FOXN3: variants seen among roughly 807,000 people sequenced by gnomAD.
FOXN3 encodes the protein forkhead box protein N3.
A neutral mutation model predicts 38.4 loss-of-function variants in FOXN3; 7 were observed. That is an observed-to-expected ratio of 0.18 (90% CI 0.10 to 0.34). FOXN3 has a LOEUF of 0.34. FOXN3 is among the 10% of genes least tolerant of loss of function. The pLI is 1.00. For synonymous variants in FOXN3, 230 were observed against 242.2 expected, an observed-to-expected ratio of 0.95 and a Z score of 0.47; for missense variants, 456 against 613.4, an observed-to-expected ratio of 0.74 and a Z score of 2.71.
At chr14:89,616,494 A>C in intron 1 of FOXN3, among the ~76,000 whole-genome samples, 2 of 151,654 alleles carry the variant, frequency 1.3e-5, no homozygotes, top group Non-Finnish European at 2.9e-5. Context: ...GTACCAGGCA[A>C]TCTTCATCCC....
intron 3 of FOXN3, among the ~76,000 whole-genome samples, chr14:89,312,033 C>T (rs546345297): frequency 2.6e-5 from 4 of 152,124 alleles, no homozygotes; most frequent in African/African-American, 9.6e-5. Flanking sequence ...ACCTGTAATG[C>T]CAGCACTTGG....
intron 3 of FOXN3, among the ~76,000 whole-genome samples, chr14:89,344,969 C>T (rs1259036843): frequency 1.3e-5 from 2 of 152,176 alleles, no homozygotes; most frequent in East Asian, 1.9e-4. Flanking sequence ...AAACACACCA[C>T]CCCTCCTTCC....
intron 4 of FOXN3, among the ~76,000 whole-genome samples, chr14:89,254,734 A>G (rs1468654807): frequency 6.6e-6 from 1 of 152,066 alleles, no homozygotes; most frequent in African/African-American, 2.4e-5. Context: ...ATCACCTCCA[A>G]GTTCTGCCTC....
chr14:89,399,681 C>T (rs1891196035), intron 2 of FOXN3, among the ~76,000 whole-genome samples: 1 of 152,172 alleles, frequency 6.6e-6, no homozygotes, highest in Admixed American at 6.5e-5. Context: ...TTTATTACAG[C>T]TGTAAGCCCT....
At chr14:89,473,271 G>A (rs887403062) in intron 1 of FOXN3, among the ~76,000 whole-genome samples, 11 of 151,910 alleles carry the variant, frequency 7.2e-5, no homozygotes, top group African/African-American at 9.7e-5. Context: ...TGATCCTCCC[G>A]CCTCGGCCTC....
intron 4 of FOXN3, among the ~76,000 whole-genome samples, chr14:89,236,905 C>A (rs1174741103): frequency 6.6e-6 from 1 of 152,222 alleles, no homozygotes; most frequent in Non-Finnish European, 1.5e-5. Flanking sequence ...ATGTACCCCA[C>A]CACTTATCAG....
chr14:89,615,816 T>C (rs1162377586), intron 1 of FOXN3, among the ~76,000 whole-genome samples: 6 of 152,222 alleles, frequency 3.9e-5, no homozygotes, highest in Non-Finnish European at 8.8e-5. Flanking sequence ...ACTTCTACAG[T>C]ATATATTTCT....
At chr14:89,341,751 A>T (rs972699427) in intron 3 of FOXN3, among the ~76,000 whole-genome samples, 1 of 152,184 alleles carries the variant, frequency 6.6e-6, no homozygotes, top group Non-Finnish European at 1.5e-5. Context: ...GGTTGATTTC[A>T]TGCACTTTTG....
intron 2 of FOXN3, among the ~76,000 whole-genome samples, chr14:89,382,906 C>T (rs368390533): frequency 6.9e-4 from 105 of 152,206 alleles, no homozygotes; most frequent in African/African-American, 2.5e-3. Flanking sequence ...CCTCCTGGGT[C>T]CAAGACGGGA....
At chr14:89,257,171 C>T (rs1596135897) in intron 4 of FOXN3, among the ~76,000 whole-genome samples, 1 of 152,306 alleles carries the variant, frequency 6.6e-6, no homozygotes, top group East Asian at 1.9e-4. Flanking sequence ...CATATGGACA[C>T]ATGGACCTAT....
chr14:89,287,952 C>G (rs932681857), intron 3 of FOXN3, among the ~76,000 whole-genome samples: 1 of 151,810 alleles, frequency 6.6e-6, no homozygotes, highest in Non-Finnish European at 1.5e-5. Context: ...CTCAGCTACT[C>G]AGGAGGCTGA....
intron 1 of FOXN3, among the ~76,000 whole-genome samples, chr14:89,485,385 C>T (rs1893426398): frequency 6.6e-6 from 1 of 152,082 alleles, no homozygotes; most frequent in South Asian, 2.1e-4. Flanking sequence ...TTTATAAATG[C>T]GTGTTCTTAA....
intron 4 of FOXN3, among the ~76,000 whole-genome samples, chr14:89,183,019 T>A (rs753015925): frequency 6.6e-6 from 1 of 152,188 alleles, no homozygotes; most frequent in Non-Finnish European, 1.5e-5. Context: ...GAAGAAAATA[T>A]AGGAGGAAAA....
chr14:89,503,510 T>A (rs1352516852), intron 1 of FOXN3, among the ~76,000 whole-genome samples: 1 of 152,218 alleles, frequency 6.6e-6, no homozygotes, highest in Admixed American at 6.5e-5. Flanking sequence ...AAAATAAAAG[T>A]TCTAGCCATA....
At position 89,301,963 on chromosome 14, in the gene FOXN3, T is replaced by C. The variant is rs185379217; in HGVS notation, c.681-20949A>G. ...CTCTGGCCACCTCCCTCACCACCTG[T>C]ACCAACCTTTTCCTTGCTTGTGACT... On this transcript the variant is annotated intron_variant, in intron 3 of 5. Transcript: ENST00000557258. Among the ~76,000 whole-genome samples the C allele has an allele frequency of 6.6e-5, 10 of 152,172 alleles. No individual in the cohort carries two copies. In the East Asian group the frequency reaches 2.0e-3, roughly 30 times the overall value.
At chr14:89,434,263 A>C in intron 1 of FOXN3, among the ~76,000 whole-genome samples, 1 of 118,426 alleles carries the variant, frequency 8.4e-6, no homozygotes, top group Non-Finnish European at 1.7e-5. Flanking sequence ...TGCTCTTGTT[A>C]CCCAGGCTGC....
intron 1 of FOXN3, among the ~76,000 whole-genome samples, chr14:89,600,421 G>T (rs1896133227): frequency 6.6e-6 from 1 of 152,148 alleles, no homozygotes; most frequent in East Asian, 1.9e-4. Context: ...TTAATCTGAT[G>T]CCCCATGGAA....
intron 3 of FOXN3, among the ~76,000 whole-genome samples, chr14:89,305,903 G>T (rs186533912): frequency 2.0e-5 from 3 of 152,312 alleles, no homozygotes; most frequent in African/African-American, 7.2e-5. Flanking sequence ...ACAAAACCAG[G>T]TGTTTATAAT....
intron 1 of FOXN3, among the ~76,000 whole-genome samples, chr14:89,472,750 G>A (rs1268613593): frequency 6.7e-6 from 1 of 148,480 alleles, no homozygotes; most frequent in African/African-American, 2.5e-5. Context: ...AAGATAGATT[G>A]TGCATCCTTA....
Sources: allele counts gnomAD v4.1 joint callset (sites outside exome capture counted in the v4.1 genomes callset), GRCh38; gene constraint gnomAD v4.1.1; transcripts MANE v1.5; gene names NCBI Gene and HGNC (gene_info 2026-07-23, HGNC 2026-07-21).